Variants in DDX60 observed in about 807,000 individuals in gnomAD.
DDX60 encodes the protein probable ATP-dependent RNA helicase DDX60.
In DDX60, 165 loss-of-function variants were observed where a neutral mutation model predicts 212.8. The ratio of observed to expected loss-of-function variants is 0.78; its 90% CI spans 0.68 to 0.88. The LOEUF is 0.88. Ranked by LOEUF, DDX60 falls within the 40% of genes least tolerant of loss-of-function variation. The probability of loss-of-function intolerance (pLI) is 0.00; values close to 1 mark genes in which losing one functional copy is unlikely to be tolerated. For missense variants in DDX60, 1,905 were observed against 2,003.9 expected (o/e 0.95, Z 0.94); for synonymous variants, 703 against 685.3 (o/e 1.03, Z -0.40).
At chr4:168,291,291 C>G (rs1736090150) in intron 8 of DDX60, among the ~76,000 whole-genome samples, 1 of 152,064 alleles carries the variant, frequency 6.6e-6, no homozygotes, top group Non-Finnish European at 1.5e-5. Context: ...AAAATGTTAA[C>G]AGTTATCCCT....
chr4:168,305,521 A>C (rs1736836802), intron 5 of DDX60, among the ~76,000 whole-genome samples: 1 of 151,026 alleles, frequency 6.6e-6, no homozygotes, highest in Non-Finnish European at 1.5e-5. Context: ...AGTAATTTAT[A>C]AATAGCTATA....
At position 168,269,473 on chromosome 4, in the gene DDX60, T is replaced by C. The variant is rs761380952; in HGVS notation, c.2671-504A>G. ...AAAATTAGCCGGGCGTGGTGGTGGG[T>C]GCCTGTAGTCCCAGCTACTTCGGAG... On this transcript the variant is annotated intron_variant, in intron 19 of 37. Transcript: ENST00000393743. 2.8e-4 allele frequency among the ~76,000 whole-genome samples: 42 copies of C among 152,016 alleles called. 1 individual carries two copies. Among genetic ancestry groups the C allele is most frequent in the Admixed American group, 9.2e-4 (14 of 15,262 alleles).
intron 15 of DDX60, among the ~76,000 whole-genome samples, 156 bp downstream of exon 15, chr4:168,275,859 T>C (rs1735310868): frequency 6.6e-6 from 1 of 152,064 alleles, no homozygotes; most frequent in Non-Finnish European, 1.5e-5. Context: ...TTTCTCATTA[T>C]GTATTACTTC....
At chr4:168,217,076 G>T in intron 37 of DDX60, 44 bp from the exon 38 acceptor site, 2 of 1,288,668 alleles carry the variant, frequency 1.6e-6, no homozygotes. Context: ...TAGTGAGATT[G>T]AATATTATAA....
intron 35 of DDX60, among the ~76,000 whole-genome samples, chr4:168,222,387 CA>C (rs1479980706): frequency 3.3e-5 from 5 of 151,940 alleles, no homozygotes; most frequent in Non-Finnish European, 7.4e-5. Flanking sequence ...TCATTTTTTG[CA>C]AACTGTACTG....
At chr4:168,297,362 GA>G (rs34657370) in intron 6 of DDX60, among the ~76,000 whole-genome samples, 1 of 59,330 alleles carries the variant, frequency 1.7e-5, no homozygotes, top group Non-Finnish European at 3.1e-5. Flanking sequence ...AAGAAAGAAA[GA>G]AAGAAAGAAA....
chr4:168,262,217 A>T lies in DDX60; in HGVS notation c.3145-89T>A, dbSNP rs567355314. 3 of 1,409,726 alleles carry T rather than the reference A, an allele frequency of 2.1e-6. No individual in the cohort carries two copies. The African/African-American group carries it at 4.4e-5, about 21-fold the overall frequency. The allele number at this position is 1,409,726 out of a possible 1,614,324, so 87.3% of individuals were successfully genotyped here. On this transcript the variant is annotated intron_variant, in intron 23 of 37. Transcript: ENST00000393743. The stretch of plus-strand genomic sequence containing the variant: ...TTATATGCCTCATTAACAGCCTTAC[A>T]AGTTTCTTGAGCACAGAGATGGTTA...
chr4:168,267,474 G>C, intron 22 of DDX60, 108 bp downstream of exon 22: 1 of 469,122 alleles, frequency 2.1e-6, no homozygotes, highest in Non-Finnish European at 3.6e-6. Flanking sequence ...CTGTAATTCT[G>C]TAATTCTATT....
chr4:168,232,112 C>CTGTAAA lies in DDX60; in HGVS notation c.4533+4139_4533+4140insTTTACA, dbSNP rs560058626. Among the ~76,000 whole-genome samples, 390 of 152,068 alleles carry CTGTAAA rather than the reference C, an allele frequency of 2.6e-3. 2 individuals carry two copies. Among genetic ancestry groups the CTGTAAA allele is most frequent in the Middle Eastern group, 6.8e-3 (2 of 294 alleles). On this transcript the variant is annotated intron_variant, in intron 33 of 37. Coordinates refer to ENST00000393743, the MANE Select transcript of DDX60 (RefSeq NM_017631.6). ...CAAATCAAGAACTCAGCCCCTTTTA[C>CTGTAAA]AATAGCTGCAAATAGTAAAATAAAA... is the stretch of plus-strand genomic sequence containing the variant.
At chr4:168,307,079 G>A (rs556563485) in intron 4 of DDX60, among the ~76,000 whole-genome samples, 1 of 152,292 alleles carries the variant, frequency 6.6e-6, no homozygotes, top group South Asian at 2.1e-4. Context: ...GTGAACCATT[G>A]TGTTTTAGAG....
chr4:168,297,297 CGAAAGAAA>C (rs70961508), intron 6 of DDX60, among the ~76,000 whole-genome samples: 3,815 of 67,264 alleles, frequency 0.057, 45 homozygotes, highest in Middle Eastern at 0.11. Flanking sequence ...GAGAGAGAGA[CGAAAGAAA>C]GAAAGAAAGA....
intron 6 of DDX60, 95 bp from the exon 7 acceptor site, chr4:168,294,040 ATG>A (rs1017975346): frequency 1.8e-6 from 2 of 1,108,172 alleles, no homozygotes; most frequent in African/African-American, 1.6e-5. Context: ...GGCTTAATAC[ATG>A]TGTGACAAAA....
chr4:168,289,997 A>G (rs1166244157), intron 8 of DDX60, among the ~76,000 whole-genome samples: 1 of 152,176 alleles, frequency 6.6e-6, no homozygotes, highest in East Asian at 1.9e-4. Context: ...CTGCAAATGC[A>G]AGTGCCACTC....
intron 4 of DDX60, among the ~76,000 whole-genome samples, chr4:168,306,962 G>A (rs1216873836): frequency 6.6e-6 from 1 of 152,162 alleles, no homozygotes; most frequent in Non-Finnish European, 1.5e-5. Context: ...AGCTTATCAT[G>A]CTTACCCTTC....
At chr4:168,229,027 T>C (rs1045231724) in intron 33 of DDX60, among the ~76,000 whole-genome samples, 9 of 152,016 alleles carry the variant, frequency 5.9e-5, no homozygotes, top group African/African-American at 1.4e-4. Context: ...GAGGCAGAAC[T>C]AACTTGCAGC....
intron 30 of DDX60, among the ~76,000 whole-genome samples, chr4:168,243,809 T>C (rs544976409): frequency 6.7e-5 from 10 of 148,270 alleles, no homozygotes; most frequent in Admixed American, 6.7e-4. Context: ...TGCATGTGTA[T>C]GTTCACTGCA....
At chr4:168,253,903 T>A (rs770078009) in intron 26 of DDX60, among the ~76,000 whole-genome samples, 2 of 152,224 alleles carry the variant, frequency 1.3e-5, no homozygotes, top group African/African-American at 2.4e-5. Flanking sequence ...TTTGATTTTT[T>A]AAATTTTTCT....
chr4:168,308,005 C>T lies in DDX60; in HGVS notation c.264+1G>A, dbSNP rs1257476122. ...AAAAAAGAACTCAACTATCATGTTA[C>T]CTTGAAGAAAACTATGGTGAATTGT... is the stretch of plus-strand genomic sequence containing the variant. On this transcript the variant is annotated splice_donor_variant, in intron 4 of 37. Transcript: ENST00000393743. LOFTEE classifies it high-confidence loss of function. 6.4e-7 allele frequency: 1 copy of T among 1,567,280 alleles called. No individual in the cohort carries two copies. Among genetic ancestry groups the T allele is most frequent in the South Asian group, 1.2e-5 (1 of 80,820 alleles).
At chr4:168,301,562 T>A (rs1242975450) in intron 6 of DDX60, among the ~76,000 whole-genome samples, 2 of 152,032 alleles carry the variant, frequency 1.3e-5, no homozygotes, top group African/African-American at 2.4e-5. Flanking sequence ...ATAAAATAAA[T>A]ATATTTATCC....
Sources: gnomAD v4.1 joint callset for allele counts (sites outside exome capture counted in the v4.1 genomes callset) on GRCh38, gnomAD v4.1.1 for gene constraint, MANE v1.5 for transcripts, NCBI Gene and HGNC (gene_info 2026-07-23, HGNC 2026-07-21) for gene names.